SLC9A9: variants seen among roughly 807,000 people sequenced by gnomAD.
The protein encoded by SLC9A9 is sodium/hydrogen exchanger 9.
Under a neutral mutation model 77.8 loss-of-function variants are expected in SLC9A9, and 62 were observed. The observed-to-expected ratio is 0.80, with a 90% confidence interval of 0.65 to 0.98. The LOEUF is 0.98. Ranked by LOEUF, SLC9A9 falls within the 50% of genes least tolerant of loss-of-function variation. SLC9A9 has a pLI of 0.00. For synonymous variants in SLC9A9, 320 were observed against 283.5 expected (o/e 1.13, Z -1.29); for missense variants, 775 against 774.9 (o/e 1.00, Z 0.00).
chr3:143,463,618 C>CCGGTT (rs2035234734), intron 12 of SLC9A9, among the ~76,000 whole-genome samples: 1 of 152,186 alleles, frequency 6.6e-6, no homozygotes. Context: ...GGATTTTAAT[C>CCGGTT]AAGAAACCAT....
chr3:143,450,422 A>T (rs774316083), intron 12 of SLC9A9, among the ~76,000 whole-genome samples: 1 of 151,690 alleles, frequency 6.6e-6, no homozygotes, highest in African/African-American at 2.4e-5. Flanking sequence ...TCTGAATTTT[A>T]CAGAGCCAAT....
At chr3:143,402,634 G>A (rs1489858066) in intron 12 of SLC9A9, among the ~76,000 whole-genome samples, 1 of 151,736 alleles carries the variant, frequency 6.6e-6, no homozygotes, top group African/African-American at 2.4e-5. Flanking sequence ...CTCTCCATAT[G>A]TCATAAGTCT....
intron 12 of SLC9A9, among the ~76,000 whole-genome samples, chr3:143,416,053 G>A (rs2034186077): frequency 6.6e-6 from 1 of 152,170 alleles, no homozygotes; most frequent in Admixed American, 6.5e-5. Context: ...TAACACAGAT[G>A]TGGTAGAAAT....
chr3:143,380,661 G>A (rs1331994531), intron 13 of SLC9A9, among the ~76,000 whole-genome samples: 2 of 152,176 alleles, frequency 1.3e-5, no homozygotes, highest in African/African-American at 4.8e-5. Flanking sequence ...GCTCCATCCT[G>A]CAGTTAGGTG....
intron 14 of SLC9A9, among the ~76,000 whole-genome samples, chr3:143,337,751 C>T (rs2031972952): frequency 1.3e-5 from 2 of 152,210 alleles, no homozygotes; most frequent in South Asian, 4.1e-4. Flanking sequence ...AACCTTGATG[C>T]AGGTTCTTGG....
intron 12 of SLC9A9, among the ~76,000 whole-genome samples, chr3:143,423,738 G>A (rs1218965740): frequency 1.3e-5 from 2 of 152,140 alleles, no homozygotes; most frequent in Non-Finnish European, 2.9e-5. Context: ...ATTAATTATG[G>A]GGGGTAGAAA....
intron 2 of SLC9A9, among the ~76,000 whole-genome samples, chr3:143,828,803 G>T (rs186053855): frequency 1.3e-5 from 2 of 152,308 alleles, no homozygotes; most frequent in East Asian, 3.9e-4. Flanking sequence ...TAAGGGGCTG[G>T]TAGATCTGCA....
intron 4 of SLC9A9, among the ~76,000 whole-genome samples, chr3:143,773,334 A>G (rs534458528): frequency 6.4e-4 from 98 of 152,302 alleles, no homozygotes; most frequent in African/African-American, 2.3e-3. Flanking sequence ...CATTTCCACC[A>G]TATAGCTACA....
At chr3:143,691,988 G>C (rs974466782) in intron 5 of SLC9A9, among the ~76,000 whole-genome samples, 1 of 152,026 alleles carries the variant, frequency 6.6e-6, no homozygotes, top group African/African-American at 2.4e-5. Flanking sequence ...TTTGCCTCTG[G>C]AGGTGATGAA....
chr3:143,601,328 C>T (rs1308260948), intron 6 of SLC9A9, among the ~76,000 whole-genome samples: 1 of 152,134 alleles, frequency 6.6e-6, no homozygotes, highest in East Asian at 1.9e-4. Flanking sequence ...TCCCCACCCC[C>T]AAATTTAAAA....
intron 14 of SLC9A9, among the ~76,000 whole-genome samples, chr3:143,355,950 A>C (rs919059049): frequency 3.9e-5 from 6 of 152,238 alleles, no homozygotes; most frequent in Non-Finnish European, 5.9e-5. Flanking sequence ...AGTGAAGTTG[A>C]AATATGAAAG....
At chr3:143,788,240 C>T (rs945522701) in intron 4 of SLC9A9, among the ~76,000 whole-genome samples, 26 of 152,246 alleles carry the variant, frequency 1.7e-4, no homozygotes, top group East Asian at 1.5e-3. Context: ...AATGAATTCA[C>T]TGTAAAGGGC....
At chr3:143,732,106 T>C (rs1357238396) in intron 4 of SLC9A9, among the ~76,000 whole-genome samples, 1 of 152,214 alleles carries the variant, frequency 6.6e-6, no homozygotes, top group African/African-American at 2.4e-5. Flanking sequence ...CTAGGAGCTG[T>C]CACTTGATGT....
At chr3:143,610,151 T>A (rs1355024436) in intron 6 of SLC9A9, among the ~76,000 whole-genome samples, 1 of 152,152 alleles carries the variant, frequency 6.6e-6, no homozygotes, top group Non-Finnish European at 1.5e-5. Flanking sequence ...TTTATTTATT[T>A]TTTTTTTATT....
At chr3:143,517,402 T>C (rs750178308) in intron 9 of SLC9A9, 13 of 1,516,004 alleles carry the variant, frequency 8.6e-6, no homozygotes, top group South Asian at 1.1e-5. Context: ...AGCCATACTG[T>C]GCTCCTGACT....
intron 12 of SLC9A9, among the ~76,000 whole-genome samples, chr3:143,421,440 A>G (rs2034294651): frequency 6.6e-6 from 1 of 152,164 alleles, no homozygotes; most frequent in African/African-American, 2.4e-5. Context: ...CAGAATAGAA[A>G]ACTCAGAAAT....
chr3:143,729,527 C>CCTTGTCTTTTTATAT (rs1283284655), intron 4 of SLC9A9, among the ~76,000 whole-genome samples: 2 of 152,154 alleles, frequency 1.3e-5, no homozygotes, highest in African/African-American at 4.8e-5. Context: ...AGGGACTGTG[C>CCTTGTCTTTTTATAT]CTTGTCTTTT....
intron 12 of SLC9A9, among the ~76,000 whole-genome samples, chr3:143,449,844 T>A (rs1243724425): frequency 7.5e-5 from 2 of 26,830 alleles, no homozygotes; most frequent in Non-Finnish European, 9.9e-5. Context: ...ATATGTATTA[T>A]ATATATATAA....
Position 143,819,945 on chromosome 3 carries a change from C to G in SLC9A9, c.378+12074G>C, listed in dbSNP as rs370806217. On this transcript the variant is annotated intron_variant, in intron 2 of 15. Transcript: ENST00000316549. ...AGGCATGTTACTTGCCTTAAGTCAC[C>G]TACCTTGTAAATAGCCAAGGCCTCG... 3.9e-5 allele frequency among the ~76,000 whole-genome samples: 6 copies of G among 152,312 alleles called. No individual in the cohort carries two copies. The East Asian group carries it at 9.7e-4, about 25-fold the overall frequency.
Sources: allele counts gnomAD v4.1 joint callset (sites outside exome capture counted in the v4.1 genomes callset), GRCh38; gene constraint gnomAD v4.1.1; transcripts MANE v1.5; gene names NCBI Gene and HGNC (gene_info 2026-07-23, HGNC 2026-07-21).